Variants in CERS6 observed in about 807,000 individuals in gnomAD.
The protein encoded by CERS6 is ceramide synthase 6, also known as LAG1 homolog, ceramide synthase 6.
Under a neutral mutation model 56.8 loss-of-function variants are expected in CERS6, and 26 were observed. That is an observed-to-expected ratio of 0.46 (90% CI 0.34 to 0.63). The LOEUF is 0.63. CERS6 is among the 30% of genes least tolerant of loss of function. CERS6 has a pLI of 0.01. For missense variants in CERS6, 415 were observed against 467.5 expected, an observed-to-expected ratio of 0.89 and a Z score of 1.04; for synonymous variants, 164 against 173.3, an observed-to-expected ratio of 0.95 and a Z score of 0.42.
At chr2:168,472,922 A>C (rs902506218) in intron 1 of CERS6, among the ~76,000 whole-genome samples, 26 of 152,304 alleles carry the variant, frequency 1.7e-4, no homozygotes, top group Non-Finnish European at 2.6e-4. Context: ...TTTGAACACA[A>C]AATATTGGTT....
intron 2 of CERS6, among the ~76,000 whole-genome samples, chr2:168,549,175 GT>G (rs1004601310): frequency 5.4e-5 from 8 of 148,114 alleles, no homozygotes; most frequent in Admixed American, 1.3e-4. Flanking sequence ...AAAATGAGGT[GT>G]TTTTTTTTTA....
chr2:168,742,637 A>G (rs1475046197), intron 8 of CERS6, among the ~76,000 whole-genome samples: 1 of 152,238 alleles, frequency 6.6e-6, no homozygotes, highest in Non-Finnish European at 1.5e-5. Flanking sequence ...ATAGACACAC[A>G]ATAAAGGACA....
At chr2:168,615,506 TAGAC>T (rs1684294824) in intron 3 of CERS6, among the ~76,000 whole-genome samples, 1 of 150,868 alleles carries the variant, frequency 6.6e-6, no homozygotes. Flanking sequence ...TTTAGTGAAA[TAGAC>T]AGCATAAATA....
intron 4 of CERS6, among the ~76,000 whole-genome samples, chr2:168,685,237 C>T (rs1686318408): frequency 1.3e-5 from 2 of 152,130 alleles, no homozygotes; most frequent in African/African-American, 2.4e-5. Context: ...GATGAGGCAA[C>T]AAAATGTGTT....
At chr2:168,693,568 G>A (rs1355782611) in intron 5 of CERS6, among the ~76,000 whole-genome samples, 4 of 152,024 alleles carry the variant, frequency 2.6e-5, no homozygotes, top group Non-Finnish European at 4.4e-5. Context: ...ATTCTTCATC[G>A]TTAATGCCTT....
intron 2 of CERS6, among the ~76,000 whole-genome samples, chr2:168,553,289 CAATG>C (rs1695610939): frequency 6.6e-6 from 1 of 152,072 alleles, no homozygotes; most frequent in African/African-American, 2.4e-5. Flanking sequence ...CAAAATAAAA[CAATG>C]AATTAAAACA....
intron 4 of CERS6, among the ~76,000 whole-genome samples, chr2:168,669,553 A>G (rs773213824): frequency 2.0e-5 from 3 of 152,182 alleles, no homozygotes; most frequent in Non-Finnish European, 4.4e-5. Context: ...TCTGCTCAAG[A>G]TAGATAAAGC....
rs565040422 is a variant in CERS6 at position 168,641,609 on chromosome 2, C to A, written c.465+10567C>A. ...CCATTGAACACCTATAATGTTAAGC[C>A]CTTTAAATCTCTATTGTATAGGTTG... On this transcript the variant is annotated intron_variant, in intron 4 of 9. Coordinates refer to ENST00000305747, the MANE Select transcript of CERS6 (RefSeq NM_203463.3). Among the ~76,000 whole-genome samples the A allele has an allele frequency of 1.6e-4, 24 of 152,244 alleles. No individual in the cohort carries two copies. In the East Asian group the frequency reaches 4.4e-3, roughly 28 times the overall value.
intron 2 of CERS6, 98 bp from the exon 3 acceptor site, chr2:168,561,094 G>A: frequency 1.5e-6 from 2 of 1,305,222 alleles, no homozygotes; most frequent in African/African-American, 1.5e-5. Flanking sequence ...GTAAACAATA[G>A]GGGGAAAAAA....
At chr2:168,675,541 A>G (rs1686036903) in intron 4 of CERS6, among the ~76,000 whole-genome samples, 1 of 152,214 alleles carries the variant, frequency 6.6e-6, no homozygotes, top group Middle Eastern at 3.4e-3. Context: ...AGCCAAGATC[A>G]TGCCACTGCA....
intron 3 of CERS6, among the ~76,000 whole-genome samples, chr2:168,570,743 AC>A (rs1205282191): frequency 6.6e-6 from 1 of 152,096 alleles, no homozygotes; most frequent in African/African-American, 2.4e-5. Context: ...AAGCTCTGTT[AC>A]CCCTAGCAAG....
At chr2:168,489,374 C>A (rs1694327691) in intron 1 of CERS6, among the ~76,000 whole-genome samples, 1 of 151,402 alleles carries the variant, frequency 6.6e-6, no homozygotes. Flanking sequence ...TGAGCTTATT[C>A]TGTTTGGGGT....
chr2:168,665,952 C>CTGTGTGTGTGTGTG lies in CERS6; in HGVS notation c.466-25056_466-25043dup, dbSNP rs58913968. Reference sequence around the variant, plus strand: ...AGAATTTTTTTAAAAAATTAGTAGACTGTGTGTGTGTGTGTGTGTGTGTGT... The same window carrying CTGTGTGTGTGTGTG: ...AGAATTTTTTTAAAAAATTAGTAGACTGTGTGTGTGTGTGTGTGTGTGTGTGTGTGTGTGTGTGT... On this transcript the variant is annotated intron_variant, in intron 4 of 9. Transcript: ENST00000305747. 2.9e-3 allele frequency among the ~76,000 whole-genome samples: 409 copies of CTGTGTGTGTGTGTG among 143,284 alleles called. 6 individuals carry two copies. The highest frequency in any genetic ancestry group is 8.6e-3 in the African/African-American group (324 of 37,664). 94.0% of individuals were successfully genotyped at this position (143,284 alleles called of 152,430 possible).
At chr2:168,554,776 A>G (rs944904522) in intron 2 of CERS6, among the ~76,000 whole-genome samples, 2 of 152,238 alleles carry the variant, frequency 1.3e-5, no homozygotes, top group African/African-American at 4.8e-5. Flanking sequence ...AAATAAGAGC[A>G]TAGGTGAAGG....
chr2:168,535,669 G>GTTTT lies in CERS6; in HGVS notation c.171-11911_171-11908dup, dbSNP rs59139047. Among the ~76,000 whole-genome samples the GTTTT allele has an allele frequency of 1.6e-4, 19 of 115,584 alleles. 1 individual carries two copies. Among genetic ancestry groups the GTTTT allele is most frequent in the South Asian group, 9.4e-4 (3 of 3,184 alleles). The allele number at this position is 115,584 out of a possible 152,430, so 75.8% of individuals were successfully genotyped here. A position where few individuals can be genotyped will look rare whatever the true frequency, so the allele number is the denominator to read the frequency against. On this transcript the variant is annotated intron_variant, in intron 1 of 9. Coordinates refer to ENST00000305747, the MANE Select transcript of CERS6 (RefSeq NM_203463.3). ...CCTGCCCAACAATGTTTTGATACCA[G>GTTTT]TTTTTTTTTTTTTTTTTTTGAATGA...
At chr2:168,581,968 T>TA (rs1683423837) in intron 3 of CERS6, among the ~76,000 whole-genome samples, 2 of 152,162 alleles carry the variant, frequency 1.3e-5, no homozygotes, top group Non-Finnish European at 2.9e-5. Flanking sequence ...GCACATGACT[T>TA]ACCATGACTC....
At chr2:168,580,187 G>GT (rs141499409) in intron 3 of CERS6, among the ~76,000 whole-genome samples, 3,336 of 151,874 alleles carry the variant, frequency 0.022, 136 homozygotes, top group East Asian at 0.18. Context: ...GGACACATTT[G>GT]TTTTTTTTCC....
intron 8 of CERS6, among the ~76,000 whole-genome samples, chr2:168,747,715 G>T (rs1022507681): frequency 6.6e-6 from 1 of 151,676 alleles, no homozygotes; most frequent in Non-Finnish European, 1.5e-5. Context: ...TTAATTATTA[G>T]TTTCAACATT....
intron 2 of CERS6, among the ~76,000 whole-genome samples, chr2:168,549,460 C>G (rs1408237544): frequency 6.6e-6 from 1 of 152,110 alleles, no homozygotes; most frequent in Non-Finnish European, 1.5e-5. Context: ...CATGGTGAGA[C>G]CCCATCTCTA....
Sources: gnomAD v4.1 joint callset for allele counts (sites outside exome capture counted in the v4.1 genomes callset) on GRCh38, gnomAD v4.1.1 for gene constraint, MANE v1.5 for transcripts, NCBI Gene and HGNC (gene_info 2026-07-23, HGNC 2026-07-21) for gene names.